RRP12: variants seen among roughly 807,000 people sequenced by gnomAD.
RRP12 encodes the protein RRP12-like protein.
In RRP12, 78 loss-of-function variants were observed where a neutral mutation model predicts 157.3. The ratio of observed to expected loss-of-function variants is 0.50; its 90% CI spans 0.41 to 0.60. RRP12 has a LOEUF of 0.60. RRP12 is among the 20% of genes least tolerant of loss of function. The pLI, the probability that RRP12 is intolerant of heterozygous loss-of-function variation, is 0.00. For missense variants in RRP12, 1,521 were observed against 1,679.9 expected (o/e 0.91, Z 1.65); for synonymous variants, 726 against 670.9 (o/e 1.08, Z -1.27).
rs975976614 is a variant in RRP12, at chr10:97,367,184, C to T, written c.2956-52G>A. ...GGGAGGCGAGCCTTCCATGCTGCGC[C>T]CCCTTTACTGCTGTCCAGCCCAGGG... is the stretch of plus-strand genomic sequence containing the variant. On this transcript the variant is annotated intron_variant, in intron 25 of 33. Transcript: ENST00000370992. The T allele has an allele frequency of 5.4e-6, 8 of 1,484,536 alleles. No homozygotes were observed. In the Admixed American group the frequency reaches 1.2e-4, roughly 22 times the overall value. 92.0% of individuals were successfully genotyped at this position (1,484,536 alleles called of 1,614,324 possible).
At chr10:97,380,178 C>G (rs1018249395) in intron 13 of RRP12, among the ~76,000 whole-genome samples, 6 of 152,208 alleles carry the variant, frequency 3.9e-5, no homozygotes, top group Admixed American at 2.6e-4. Flanking sequence ...TAAAGCCAAA[C>G]TGGTCAACCT....
At chr10:97,381,619 G>A (rs192122211) in intron 11 of RRP12, 96 bp downstream of exon 11, 354 of 1,267,670 alleles carry the variant, frequency 2.8e-4, no homozygotes, top group Admixed American at 5.6e-4. Flanking sequence ...CGGCCTCTCT[G>A]GGCCCGAGCT....
At chr10:97,376,942 C>A (rs921917944) in intron 15 of RRP12, among the ~76,000 whole-genome samples, 1 of 148,562 alleles carries the variant, frequency 6.7e-6, no homozygotes, top group Admixed American at 6.7e-5. Flanking sequence ...TGAAGTGGTG[C>A]GATCTTGGCT....
At chr10:97,369,050 T>A (rs529882060) in intron 25 of RRP12, among the ~76,000 whole-genome samples, 1 of 148,280 alleles carries the variant, frequency 6.7e-6, no homozygotes, top group African/African-American at 2.5e-5. Flanking sequence ...AAATGCAAGA[T>A]GGGAAAAAAA....
chr10:97,379,439 A>G, intron 14 of RRP12, 25 bp from the exon 15 acceptor site: 1 of 1,613,396 alleles, frequency 6.2e-7, no homozygotes, highest in South Asian at 1.1e-5. Context: ...GGAAGAACCC[A>G]ATGAGGATGA....
chr10:97,386,911 A>G (rs531251140), intron 8 of RRP12, among the ~76,000 whole-genome samples: 36 of 152,046 alleles, frequency 2.4e-4, no homozygotes, highest in African/African-American at 8.4e-4. Context: ...AATGGCGTGA[A>G]CCCGGAAGGC....
chr10:97,380,834 C>T lies in RRP12; in HGVS notation c.1498G>A (p.Ala500Thr), dbSNP rs768170500. ...ACAGGGTGGGCCTGTCTCCCACACGCCTCGAAGAAGACACACAGCAGCTGC... is the reference window on the plus strand; with the variant it reads ...ACAGGGTGGGCCTGTCTCCCACACGTCTCGAAGAAGACACACAGCAGCTGC... ...VLQLLCVFFE[A>T]CGRQAHPVMR... The change falls in exon 13 of 34, where the codon GCG becomes ACG. Residue 500 changes from alanine (A) to threonine (T), a missense_variant. By Grantham distance (58) the Ala-to-Thr change is moderately conservative. Coordinates refer to ENST00000370992, the MANE Select transcript of RRP12 (RefSeq NM_015179.4). The T allele has an allele frequency of 9.9e-6, 16 of 1,614,070 alleles. No individual in the cohort carries two copies. The South Asian group carries it at 1.5e-4, about 16-fold the overall frequency.
intron 12 of RRP12, among the ~76,000 whole-genome samples, 174 bp downstream of exon 12, chr10:97,381,212 T>C (rs7096801): frequency 0.38 from 58,142 of 152,166 alleles, 11,586 homozygotes; most frequent in African/African-American, 0.5. Context: ...ACATGGCAGG[T>C]GCTCAAGTCC....
At chr10:97,380,630 G>T (rs369842965) in intron 13 of RRP12, among the ~76,000 whole-genome samples, 169 bp downstream of exon 13, 37 of 152,312 alleles carry the variant, frequency 2.4e-4, no homozygotes, top group Middle Eastern at 6.8e-3. Context: ...CCCCTCCCTT[G>T]TTGGCCCAGT....
At chr10:97,366,391 A>G (rs1316212238) in intron 28 of RRP12, 55 bp downstream of exon 28, 1 of 1,563,728 alleles carries the variant, frequency 6.4e-7, no homozygotes, top group Non-Finnish European at 8.7e-7. Flanking sequence ...CCACCTGAGA[A>G]CCTGGCACCA....
chr10:97,360,545 C>T lies in RRP12; in HGVS notation c.3640+1G>A, dbSNP rs778148744. On this transcript the variant is annotated splice_donor_variant, in intron 31 of 33. Transcript: ENST00000370992. LOFTEE classifies it high-confidence loss of function. ...CCAGGAGAGAGGAGTGGAAGCCTCACCTTGGTACTGAGGGGGTATCTCCAG... is the reference window on the plus strand; with the variant it reads ...CCAGGAGAGAGGAGTGGAAGCCTCATCTTGGTACTGAGGGGGTATCTCCAG... 4 of 1,610,804 alleles carry T rather than the reference C, an allele frequency of 2.5e-6. No individual in the cohort carries two copies. The highest frequency in any genetic ancestry group is 3.4e-6 in the Non-Finnish European group (4 of 1,177,034).
chr10:97,394,874 G>A (rs2133096961), intron 3 of RRP12, among the ~76,000 whole-genome samples: 1 of 152,272 alleles, frequency 6.6e-6, no homozygotes, highest in East Asian at 1.9e-4. Flanking sequence ...TGGGCATGGT[G>A]GCTCATGCCT....
chr10:97,360,753 G>A, intron 30 of RRP12, 135 bp from the exon 31 acceptor site: 2 of 704,512 alleles, frequency 2.8e-6, no homozygotes, highest in South Asian at 1.6e-5. Context: ...CTCACTTACA[G>A]ATGGGGAAAC....
At chr10:97,371,151 C>A (rs1282332539) in intron 20 of RRP12, 70 bp from the exon 21 acceptor site, 1 of 1,513,024 alleles carries the variant, frequency 6.6e-7, no homozygotes, top group East Asian at 2.4e-5. Context: ...CGGAGCATCC[C>A]CCAGCACTGG....
intron 33 of RRP12, among the ~76,000 whole-genome samples, 171 bp downstream of exon 33, chr10:97,358,366 A>G (rs1843763718): frequency 1.3e-5 from 2 of 152,116 alleles, no homozygotes. Flanking sequence ...AGTTCAAGTC[A>G]GTAATACAGG....
At position 97,400,234 on chromosome 10, in the gene RRP12, C is replaced by T; in HGVS notation, c.369+71G>A. 4.3e-6 allele frequency: 5 copies of T among 1,153,262 alleles called. 1 individual carries two copies. Among genetic ancestry groups the T allele is most frequent in the Middle Eastern group, 2.3e-4 (1 of 4,292 alleles). 71.4% of individuals were successfully genotyped at this position (1,153,262 alleles called of 1,614,324 possible). A position where few individuals can be genotyped will look rare whatever the true frequency, so the allele number is the denominator to read the frequency against. ...GCTGTTGTCATCGGAGACCTGTCGG[C>T]CAGAGCTGAAGAAAAGGCATGAGTT... On this transcript the variant is annotated intron_variant, in intron 2 of 33. Transcript: ENST00000370992.
intron 2 of RRP12, 130 bp downstream of exon 2, chr10:97,400,175 G>A (rs932230790): frequency 9.7e-6 from 7 of 719,156 alleles, no homozygotes; most frequent in Non-Finnish European, 1.7e-5. Flanking sequence ...AGACATAAAG[G>A]GGAGGAGCGA....
chr10:97,373,409 G>C (rs949555006), intron 17 of RRP12, among the ~76,000 whole-genome samples, 166 bp downstream of exon 17: 1 of 152,172 alleles, frequency 6.6e-6, no homozygotes, highest in African/African-American at 2.4e-5. Context: ...CCAACCCCAG[G>C]GAGCCAGCAA....
chr10:97,398,657 G>A (rs11817875), intron 2 of RRP12, among the ~76,000 whole-genome samples: 56,650 of 150,980 alleles, frequency 0.38, 10,999 homozygotes, highest in African/African-American at 0.49. Flanking sequence ...TGAAAATTTA[G>A]TTTTTAAATT....
Sources: allele counts gnomAD v4.1 joint callset (sites outside exome capture counted in the v4.1 genomes callset), GRCh38; gene constraint gnomAD v4.1.1; transcripts MANE v1.5; gene names NCBI Gene and HGNC (gene_info 2026-07-23, HGNC 2026-07-21).